FYN: variants seen among roughly 807,000 people sequenced by gnomAD.
FYN encodes FYN proto-oncogene, Src family tyrosine kinase, also known as tyrosine-protein kinase Fyn.
A neutral mutation model predicts 70.2 loss-of-function variants in FYN; 10 were observed. The observed-to-expected ratio is 0.14, with a 90% CI of 0.09 to 0.24. The LOEUF (loss-of-function observed/expected upper bound fraction) is 0.24, where lower values mean the gene tolerates loss of function less well. Among genes scored for constraint, FYN ranks in the 10% least tolerant of loss-of-function variants. The probability of loss-of-function intolerance (pLI) is 1.00; values close to 1 mark genes in which losing one functional copy is unlikely to be tolerated. For synonymous variants in FYN, 236 were observed against 248.6 expected, an observed-to-expected ratio of 0.95 and a Z score of 0.48; for missense variants, 319 against 673.1, an observed-to-expected ratio of 0.47 and a Z score of 5.82.
intron 12 of FYN, among the ~76,000 whole-genome samples, chr6:111,690,194 CAAG>C (rs1160828438): frequency 1.1e-4 from 16 of 152,034 alleles, no homozygotes; most frequent in Admixed American, 9.2e-4. Flanking sequence ...GTGGTATGGA[CAAG>C]AAGATGGACA....
intron 2 of FYN, among the ~76,000 whole-genome samples, chr6:111,824,969 T>G (rs991511725): frequency 1.3e-5 from 2 of 152,244 alleles, no homozygotes; most frequent in Admixed American, 1.3e-4. Context: ...AAAACTCCTC[T>G]GAGCTCCCAT....
chr6:111,767,761 T>C (rs1206909088), intron 3 of FYN, among the ~76,000 whole-genome samples: 3 of 152,206 alleles, frequency 2.0e-5, no homozygotes, highest in Admixed American at 1.3e-4. Flanking sequence ...TAATGGTTTG[T>C]TAGAAGAGAG....
intron 1 of FYN, among the ~76,000 whole-genome samples, chr6:111,855,396 G>A (rs1773798366): frequency 6.6e-6 from 1 of 152,150 alleles, no homozygotes; most frequent in Non-Finnish European, 1.5e-5. Flanking sequence ...AGAAACCTAT[G>A]GTGCAGAATG....
rs1475565262 is a variant in FYN at position 111,842,756 on chromosome 6, G to A, written c.-82+3833C>T. Among the ~76,000 whole-genome samples, 8 of 152,064 alleles carry A rather than the reference G, an allele frequency of 5.3e-5. No individual in the cohort carries two copies. In the East Asian group the frequency reaches 7.7e-4, roughly 15 times the overall value. ...ATGCGGCCTCAAATTTCTAACCCTCGATTACTTAGAATTAGATTTTCCCCC... is the reference window on the plus strand; with the variant it reads ...ATGCGGCCTCAAATTTCTAACCCTCAATTACTTAGAATTAGATTTTCCCCC... On this transcript the variant is annotated intron_variant, in intron 2 of 13. Coordinates refer to ENST00000354650, the MANE Select transcript of FYN (RefSeq NM_002037.5).
chr6:111,778,025 G>A (rs1221395500), intron 3 of FYN, among the ~76,000 whole-genome samples: 4 of 152,176 alleles, frequency 2.6e-5, no homozygotes, highest in African/African-American at 9.7e-5. Flanking sequence ...TGATTGTGAA[G>A]GAAGAGGATT....
intron 3 of FYN, among the ~76,000 whole-genome samples, chr6:111,773,308 G>A (rs1421697349): frequency 9.1e-6 from 1 of 109,614 alleles, no homozygotes; most frequent in Non-Finnish European, 1.8e-5. Flanking sequence ...AGGGAGGGAG[G>A]GAAAGAGGGG....
At chr6:111,699,070 A>C (rs1319352099) in intron 9 of FYN, among the ~76,000 whole-genome samples, 1 of 152,232 alleles carries the variant, frequency 6.6e-6, no homozygotes, top group Non-Finnish European at 1.5e-5. Flanking sequence ...TGATAGAGCA[A>C]GACTCCGTCT....
chr6:111,777,535 T>C (rs1040167466), intron 3 of FYN, among the ~76,000 whole-genome samples: 22 of 152,154 alleles, frequency 1.4e-4, no homozygotes, highest in African/African-American at 5.3e-4. Flanking sequence ...GCAGCATCTC[T>C]GGCTTCCACC....
At chr6:111,804,436 G>A (rs1367909058) in intron 2 of FYN, among the ~76,000 whole-genome samples, 1 of 152,258 alleles carries the variant, frequency 6.6e-6, no homozygotes. Flanking sequence ...CAGCATCCCT[G>A]TTCCACACAG....
At position 111,715,358 on chromosome 6, in the gene FYN, G is replaced by C. The variant is rs71564104; in HGVS notation, c.248-915C>G. Reference sequence around the variant, plus strand: ...GGCCTCCCAAAGTGCTGGGATTATAGGTGTGACCTACTGTGCCCAACCCAA... The same window carrying C: ...GGCCTCCCAAAGTGCTGGGATTATACGTGTGACCTACTGTGCCCAACCCAA... On this transcript the variant is annotated intron_variant, in intron 4 of 13. Coordinates refer to ENST00000354650, the MANE Select transcript of FYN (RefSeq NM_002037.5). 8.7e-3 allele frequency among the ~76,000 whole-genome samples: 1,330 copies of C among 152,032 alleles called. 13 individuals carry two copies. The highest frequency in any genetic ancestry group is 0.054 in the Middle Eastern group (16 of 294).
intron 13 of FYN, 60 bp downstream of exon 13, chr6:111,674,439 C>T (rs1798446736): frequency 6.5e-7 from 1 of 1,546,306 alleles, no homozygotes; most frequent in East Asian, 2.3e-5. Context: ...TGAAGTTTTC[C>T]CAAATGGTGT....
intron 12 of FYN, among the ~76,000 whole-genome samples, chr6:111,684,581 C>A (rs1244315401): frequency 3.3e-5 from 5 of 152,078 alleles, no homozygotes; most frequent in Non-Finnish European, 5.9e-5. Context: ...ATGGAGGCTA[C>A]CAGAAGGTAA....
intron 2 of FYN, among the ~76,000 whole-genome samples, chr6:111,807,421 ACT>A (rs1772183714): frequency 6.6e-6 from 1 of 151,970 alleles, no homozygotes. Context: ...CAATTCTTCC[ACT>A]CTCTCTCAAA....
chr6:111,806,646 G>C (rs1017541210), intron 2 of FYN, among the ~76,000 whole-genome samples: 6 of 152,156 alleles, frequency 3.9e-5, no homozygotes, highest in African/African-American at 1.4e-4. Flanking sequence ...TGAATGTCCC[G>C]GCCCACTATT....
intron 2 of FYN, among the ~76,000 whole-genome samples, chr6:111,845,372 A>C (rs1296325786): frequency 1.3e-5 from 2 of 152,230 alleles, no homozygotes; most frequent in African/African-American, 4.8e-5. Context: ...GATTCTAAAA[A>C]GGCTCCTTCT....
At chr6:111,756,774 T>C (rs1010965732) in intron 3 of FYN, among the ~76,000 whole-genome samples, 3 of 152,188 alleles carry the variant, frequency 2.0e-5, no homozygotes, top group Non-Finnish European at 4.4e-5. Context: ...ACATTTATAA[T>C]TTTTTAAAAT....
intron 3 of FYN, among the ~76,000 whole-genome samples, chr6:111,747,721 A>C (rs1403264461): frequency 6.6e-6 from 1 of 152,246 alleles, no homozygotes; most frequent in Non-Finnish European, 1.5e-5. Flanking sequence ...ATTCAATTCC[A>C]AGAATAATGC....
chr6:111,808,795 T>C (rs79157540), intron 2 of FYN, among the ~76,000 whole-genome samples: 2,814 of 152,312 alleles, frequency 0.018, 44 homozygotes, highest in Non-Finnish European at 0.028. Flanking sequence ...CACCTGATGC[T>C]ATAGGTAACT....
chr6:111,698,132 T>C (rs960494098), intron 9 of FYN, among the ~76,000 whole-genome samples: 5 of 152,156 alleles, frequency 3.3e-5, no homozygotes, highest in Non-Finnish European at 7.3e-5. Flanking sequence ...ACTCTTTTTT[T>C]TTCTTTTCTT....
Sources: allele counts gnomAD v4.1 joint callset (sites outside exome capture counted in the v4.1 genomes callset), GRCh38; gene constraint gnomAD v4.1.1; transcripts MANE v1.5; gene names NCBI Gene and HGNC (gene_info 2026-07-23, HGNC 2026-07-21).